RPS6KA5: variants seen among roughly 807,000 people sequenced by gnomAD.
RPS6KA5 encodes the protein ribosomal protein S6 kinase alpha-5.
RPS6KA5 carries 27 observed loss-of-function variants against 85.5 expected under a neutral mutation model. That is an observed-to-expected ratio of 0.32 (90% CI 0.23 to 0.44). RPS6KA5 has a LOEUF of 0.44. Among genes scored for constraint, RPS6KA5 ranks in the 20% least tolerant of loss-of-function variants. RPS6KA5 has a pLI of 1.00. For missense variants in RPS6KA5, 811 were observed against 980.9 expected (o/e 0.83, Z 2.31); for synonymous variants, 334 against 348.2 (o/e 0.96, Z 0.46).
intron 7 of RPS6KA5, among the ~76,000 whole-genome samples, chr14:90,912,732 G>A (rs927795289): frequency 6.6e-6 from 1 of 151,922 alleles, no homozygotes; most frequent in Non-Finnish European, 1.5e-5. Flanking sequence ...GGCCACACCA[G>A]CCAGGTCATT....
intron 1 of RPS6KA5, among the ~76,000 whole-genome samples, chr14:91,021,062 T>C (rs1277718746): frequency 1.3e-5 from 2 of 152,164 alleles, no homozygotes; most frequent in African/African-American, 2.4e-5. Context: ...TATAGGTGGA[T>C]AAAGCAATAG....
At chr14:90,961,719 C>T (rs949269414) in intron 3 of RPS6KA5, among the ~76,000 whole-genome samples, 1 of 151,706 alleles carries the variant, frequency 6.6e-6, no homozygotes, top group Non-Finnish European at 1.5e-5. Flanking sequence ...TTTAGACTGC[C>T]AAGCTAAAAT....
Position 90,852,405 on chromosome 14 carries a change from A to G in RPS6KA5, c.*19669T>C, listed in dbSNP as rs2032047377. The G allele has an allele frequency of 6.6e-6, 1 of 152,164 alleles. No homozygotes were observed. The highest frequency in any genetic ancestry group is 6.5e-5 in the Admixed American group (1 of 15,280). 9.4% of individuals were successfully genotyped at this position (152,164 alleles called of 1,614,324 possible). A position where few individuals can be genotyped will look rare whatever the true frequency, so the allele number is the denominator to read the frequency against. ...AAATGGTTTTTCAAAGCTATGGCTC[A>G]TAAGGAAATAACTAATTGTCAATGT... On this transcript the variant is annotated 3_prime_UTR_variant, in exon 17 of 17. Transcript: ENST00000614987.
chr14:90,873,469 G>A (rs1352512238), intron 16 of RPS6KA5, among the ~76,000 whole-genome samples, 163 bp downstream of exon 16: 3 of 152,132 alleles, frequency 2.0e-5, no homozygotes, highest in African/African-American at 7.2e-5. Flanking sequence ...GTTATAAAGT[G>A]TTTATAACCA....
chr14:90,931,725 C>A (rs971774577), intron 5 of RPS6KA5, among the ~76,000 whole-genome samples: 1 of 151,876 alleles, frequency 6.6e-6, no homozygotes, highest in Non-Finnish European at 1.5e-5. Context: ...TCCAACAAAT[C>A]AATAACATCA....
intron 5 of RPS6KA5, among the ~76,000 whole-genome samples, chr14:90,926,659 A>AAG (rs1393706731): frequency 8.3e-6 from 1 of 120,968 alleles, no homozygotes; most frequent in African/African-American, 3.6e-5. Flanking sequence ...ATATATATAT[A>AAG]TTTAAGTGTG....
At chr14:90,985,099 G>A (rs2040003973) in intron 2 of RPS6KA5, among the ~76,000 whole-genome samples, 1 of 151,820 alleles carries the variant, frequency 6.6e-6, no homozygotes, top group African/African-American at 2.4e-5. Flanking sequence ...GCGCCACCAC[G>A]CCCATCTAAT....
Position 90,864,283 on chromosome 14 carries a change from G to T in RPS6KA5, c.*7791C>A, listed in dbSNP as rs536784088. The T allele has an allele frequency of 6.6e-6, 1 of 152,616 alleles. No individual in the cohort carries two copies. The highest frequency in any genetic ancestry group is 1.5e-5 in the Non-Finnish European group (1 of 68,416). 9.5% of individuals were successfully genotyped at this position (152,616 alleles called of 1,614,324 possible). On this transcript the variant is annotated 3_prime_UTR_variant, in exon 17 of 17. Coordinates refer to ENST00000614987, the MANE Select transcript of RPS6KA5 (RefSeq NM_004755.4). Reference sequence around the variant, plus strand: ...GCCTCCCACGTAGCTGGGATTACAGGCATGCACCACCATGCCTGGCTAATT... The same window carrying T: ...GCCTCCCACGTAGCTGGGATTACAGTCATGCACCACCATGCCTGGCTAATT...
chr14:90,933,521 T>A lies in RPS6KA5; in HGVS notation c.618+9557A>T, dbSNP rs1410704082. Among the ~76,000 whole-genome samples the A allele has an allele frequency of 3.3e-5, 5 of 152,172 alleles. No homozygotes were observed. In the East Asian group the frequency reaches 9.6e-4, roughly 29 times the overall value. Reference sequence around the variant, plus strand: ...CTAATGTCAAAATAGTCCTAAAATCTGCTACTCCATAGTCTAGGCCAGTTC... The same window carrying A: ...CTAATGTCAAAATAGTCCTAAAATCAGCTACTCCATAGTCTAGGCCAGTTC... On this transcript the variant is annotated intron_variant, in intron 5 of 16. Coordinates refer to ENST00000614987, the MANE Select transcript of RPS6KA5 (RefSeq NM_004755.4).
intron 1 of RPS6KA5, among the ~76,000 whole-genome samples, chr14:91,003,284 T>C (rs2040865406): frequency 6.6e-6 from 1 of 152,114 alleles, no homozygotes; most frequent in Admixed American, 6.5e-5. Flanking sequence ...ATATTACTTA[T>C]CTATATTTGC....
In RPS6KA5 at chr14:91,001,049, C is replaced by CT. The variant is rs749547179; in HGVS notation, c.175+38dup. On this transcript the variant is annotated intron_variant, in intron 2 of 16. Coordinates refer to ENST00000614987, the MANE Select transcript of RPS6KA5 (RefSeq NM_004755.4). ...TCCTTCATCATAGGAATAATAAGTA[C>CT]TTTTTTTTTTCCTTAAATATAATTA... 6,856 of 1,036,614 alleles carry CT rather than the reference C, an allele frequency of 6.6e-3. 1 individual carries two copies. Among genetic ancestry groups the CT allele is most frequent in the Non-Finnish European group, 7.7e-3 (5,439 of 710,604 alleles). The allele number at this position is 1,036,614 out of a possible 1,614,324, so 64.2% of individuals were successfully genotyped here.
rs2033138816 is a variant in RPS6KA5 at position 90,871,965 on chromosome 14, A to C, written c.*109T>G. 7.2e-7 allele frequency: 1 copy of C among 1,392,536 alleles called. No homozygotes were observed. The highest frequency in any genetic ancestry group is 9.7e-7 in the Non-Finnish European group (1 of 1,025,662). 86.3% of individuals were successfully genotyped at this position (1,392,536 alleles called of 1,614,324 possible). A position where few individuals can be genotyped will look rare whatever the true frequency, so the allele number is the denominator to read the frequency against. On this transcript the variant is annotated 3_prime_UTR_variant, in exon 17 of 17. Coordinates refer to ENST00000614987, the MANE Select transcript of RPS6KA5 (RefSeq NM_004755.4). ...TTCCTGAAAAAAATCATTAGGAGGC[A>C]GATTCCAATGAGACCAACGGGAAAC...
At chr14:91,042,558 A>G (rs1270634506) in intron 1 of RPS6KA5, among the ~76,000 whole-genome samples, 1 of 152,150 alleles carries the variant, frequency 6.6e-6, no homozygotes, top group Admixed American at 6.5e-5. Flanking sequence ...TTAAAAAACA[A>G]TGATGCTATT....
chr14:90,906,907 T>G (rs890580559), intron 7 of RPS6KA5, among the ~76,000 whole-genome samples: 1 of 152,124 alleles, frequency 6.6e-6, no homozygotes, highest in African/African-American at 2.4e-5. Context: ...GCTTCAATGT[T>G]TGCTGCTATA....
At position 90,948,471 on chromosome 14, in the gene RPS6KA5, C is replaced by T. The variant is rs1035855020; in HGVS notation, c.395-921G>A. 1.4e-4 allele frequency among the ~76,000 whole-genome samples: 21 copies of T among 152,184 alleles called. 1 individual carries two copies. The South Asian group carries it at 2.5e-3, about 18-fold the overall frequency. ...CAGCACTTTGGGAGGCCGAGGCAGG[C>T]GGATCACGAGGTCAGGAGATCGAGA... On this transcript the variant is annotated intron_variant, in intron 3 of 16. Transcript: ENST00000614987.
intron 1 of RPS6KA5, among the ~76,000 whole-genome samples, chr14:91,050,193 C>T (rs1001019445): frequency 1.3e-5 from 2 of 151,970 alleles, no homozygotes; most frequent in African/African-American, 4.8e-5. Flanking sequence ...GCCTGGGCAA[C>T]ATAGCAAGAC....
Position 90,902,980 on chromosome 14 carries a change from G to A in RPS6KA5, c.958-11C>T. ...ATCCCAATTTATTTTCTAAAACAAA[G>A]AAAGTTGGTACAAAGTAGAAATCAA... On this transcript the variant is annotated splice_polypyrimidine_tract_variant and intron_variant, in intron 8 of 16. Coordinates refer to ENST00000614987, the MANE Select transcript of RPS6KA5 (RefSeq NM_004755.4). 3 of 1,606,232 alleles carry A rather than the reference G, an allele frequency of 1.9e-6. No homozygotes were observed. The highest frequency in any genetic ancestry group is 2.6e-6 in the Non-Finnish European group (3 of 1,175,372).
chr14:90,989,491 T>TA (rs2040209869), intron 2 of RPS6KA5, among the ~76,000 whole-genome samples: 1 of 152,096 alleles, frequency 6.6e-6, no homozygotes, highest in South Asian at 2.1e-4. Flanking sequence ...CCATTTATGA[T>TA]AAAAAAAGAA....
intron 1 of RPS6KA5, among the ~76,000 whole-genome samples, chr14:91,031,150 C>A (rs1033020679): frequency 6.6e-6 from 1 of 152,072 alleles, no homozygotes; most frequent in Admixed American, 6.6e-5. Context: ...CACATACAAA[C>A]CACTGGAAAT....
Sources: gnomAD v4.1 joint callset for allele counts (sites outside exome capture counted in the v4.1 genomes callset) on GRCh38, gnomAD v4.1.1 for gene constraint, MANE v1.5 for transcripts, NCBI Gene and HGNC (gene_info 2026-07-23, HGNC 2026-07-21) for gene names.